The following SMARCC2 variants were observed in gnomAD, a reference collection of about 807,000 sequenced individuals.
SMARCC2 encodes the protein SWI/SNF complex subunit SMARCC2.
In SMARCC2, 15 loss-of-function variants were observed where a neutral mutation model predicts 151.3. That is an observed-to-expected ratio of 0.10 (90% CI 0.07 to 0.15). The LOEUF (loss-of-function observed/expected upper bound fraction) is 0.15, where lower values mean the gene tolerates loss of function less well. Among genes scored for constraint, SMARCC2 ranks in the 10% least tolerant of loss-of-function variants. SMARCC2 has a pLI of 1.00. For synonymous variants in SMARCC2, 590 were observed against 609.5 expected (o/e 0.97, Z 0.47); for missense variants, 1,031 against 1,599.7 (o/e 0.64, Z 6.06).
intron 15 of SMARCC2, 25 bp from the exon 16 acceptor site, chr12:56,174,789 A>G: frequency 6.9e-7 from 1 of 1,441,416 alleles, no homozygotes; most frequent in Non-Finnish European, 9.8e-7. Flanking sequence ...AGAGAGAAAC[A>G]AGAAGAAGAA....
intron 25 of SMARCC2, among the ~76,000 whole-genome samples, chr12:56,168,449 A>C (rs1000695631): frequency 6.7e-6 from 1 of 149,958 alleles, no homozygotes; most frequent in African/African-American, 2.5e-5. Context: ...ATCTCAGCTC[A>C]CTGTAACCTC....
chr12:56,168,106 C>T lies in SMARCC2; in HGVS notation c.2804G>A (p.Arg935Gln). 1.9e-6 allele frequency: 3 copies of T among 1,614,016 alleles called. No homozygotes were observed. Among genetic ancestry groups the T allele is most frequent in the African/African-American group, 1.3e-5 (1 of 74,976 alleles). ...GATAGTCTCCAGCTCCTCAAAGTGCCGAAGTTTGATCTCCAACTTTTTCAT... is the reference window on the plus strand; with the variant it reads ...GATAGTCTCCAGCTCCTCAAAGTGCTGAAGTTTGATCTCCAACTTTTTCAT... ...TQMKKLEIKLRHFEELETIMD... is the reference protein window; with the variant it reads ...TQMKKLEIKLQHFEELETIMD... The change falls in exon 26 of 29, where the codon CGG (arginine) becomes CAG (glutamine). Residue 935 changes from arginine to glutamine, a missense_variant. Coordinates refer to ENST00000550164, the MANE Select transcript of SMARCC2 (RefSeq NM_001330288.2).
rs562561762 is a variant in SMARCC2 at position 56,165,273 on chromosome 12, C to T, written c.3232+45G>A. On this transcript the variant is annotated intron_variant, in intron 27 of 28. Transcript: ENST00000550164. ...CCTTTGAGGAGAACTGGGACATTCA[C>T]CTGGATTCCTCTAGCCAACAAAAGT... 8.3e-5 allele frequency: 121 copies of T among 1,455,096 alleles called. 1 individual carries two copies. The South Asian group carries it at 1.7e-3, about 20-fold the overall frequency. The allele number at this position is 1,455,096 out of a possible 1,614,324, so 90.1% of individuals were successfully genotyped here.
intron 11 of SMARCC2, 24 bp downstream of exon 11, chr12:56,180,953 C>T: frequency 6.3e-7 from 1 of 1,596,828 alleles, no homozygotes; most frequent in South Asian, 1.1e-5. Context: ...GGGGTGGATC[C>T]CAGGAGCTCA....
intron 7 of SMARCC2, among the ~76,000 whole-genome samples, chr12:56,182,632 G>C (rs921725168): frequency 1.3e-5 from 2 of 150,868 alleles, no homozygotes; most frequent in African/African-American, 4.9e-5. Context: ...TGGGGTTTTT[G>C]TTTTTGTTAA....
At position 56,189,336 on chromosome 12, in the gene SMARCC2, G is replaced by A. The variant is rs1466420105; in HGVS notation, c.111+15C>T. On this transcript the variant is annotated intron_variant, in intron 1 of 28. Coordinates refer to ENST00000550164, the MANE Select transcript of SMARCC2 (RefSeq NM_001330288.2). ...CCGCCCCCGGTCCCCGCGCGGCCCGGCCCGGCCCGCGTACCTTCTTGTAGT... is the reference window on the plus strand; with the variant it reads ...CCGCCCCCGGTCCCCGCGCGGCCCGACCCGGCCCGCGTACCTTCTTGTAGT... The A allele has an allele frequency of 1.2e-5, 17 of 1,476,114 alleles. No homozygotes were observed. The highest frequency in any genetic ancestry group is 1.5e-5 in the Non-Finnish European group (16 of 1,094,794). 91.4% of individuals were successfully genotyped at this position (1,476,114 alleles called of 1,614,324 possible). A position where few individuals can be genotyped will look rare whatever the true frequency, so the allele number is the denominator to read the frequency against.
At chr12:56,179,222 C>T (rs932074312) in intron 11 of SMARCC2, among the ~76,000 whole-genome samples, 166 bp from the exon 12 acceptor site, 63 of 152,222 alleles carry the variant, frequency 4.1e-4, no homozygotes, top group Non-Finnish European at 8.7e-4. Context: ...CTTCTTGCTA[C>T]TTTCCCCACT....
Position 56,165,491 on chromosome 12 carries a change from G to A in SMARCC2, c.3059C>T (p.Ala1020Val), listed in dbSNP as rs529813959. ...AGGAGCAGGGACTACAGAGGCTGGAGCCACAGCCAAGCCATGGACTGCGGG... is the reference window on the plus strand; with the variant it reads ...AGGAGCAGGGACTACAGAGGCTGGAACCACAGCCAAGCCATGGACTGCGGG... Reference protein sequence around the residue: ...GPPAVHGLAVAPASVVPAPAG... With the variant: ...GPPAVHGLAVVPASVVPAPAG... The change falls in exon 27 of 29, where the codon GCT becomes GTT. Residue 1020 changes from alanine (A) to valine (V), a missense_variant. By Grantham distance (64) the Ala-to-Val change is moderately conservative (BLOSUM62 0). Around this residue, in one of 12 missense-constraint regions of SMARCC2, gnomAD observed 310 missense variants for 350.0 expected, o/e 0.89. Transcript: ENST00000550164. 24 of 1,578,164 alleles carry A rather than the reference G, an allele frequency of 1.5e-5. No individual in the cohort carries two copies. The highest frequency in any genetic ancestry group is 1.9e-4 in the Middle Eastern group (1 of 5,310).
intron 10 of SMARCC2, 173 bp downstream of exon 10, chr12:56,181,309 G>A: frequency 1.5e-6 from 1 of 649,120 alleles, no homozygotes; most frequent in Non-Finnish European, 2.6e-6. Flanking sequence ...GCCAGAACCA[G>A]AACTAACAAC....
intron 1 of SMARCC2, 106 bp from the exon 2 acceptor site, chr12:56,187,412 A>G: frequency 9.4e-7 from 1 of 1,069,294 alleles, no homozygotes; most frequent in Non-Finnish European, 1.4e-6. Context: ...AGCAAAGAAA[A>G]TAGTGCCCTT....
Position 56,182,054 on chromosome 12 carries a change from C to T in SMARCC2, c.658G>A (p.Glu220Lys). 6.2e-7 allele frequency: 1 copy of T among 1,613,314 alleles called. No homozygotes were observed. Residue 220 changes from glutamate to lysine, a missense_variant, in exon 8 of 29, where the codon GAA becomes AAA. Glu to Lys is a moderately conservative substitution (Grantham distance 56). Transcript: ENST00000550164. Reference sequence around the variant, plus strand: ...GCATCTTCCACAGATGCCTCAATTTCACTCGCTGGGATCCACGTGTCGTAA... The same window carrying T: ...GCATCTTCCACAGATGCCTCAATTTTACTCGCTGGGATCCACGTGTCGTAA... The part of the protein sequence containing the change: ...DSYDTWIPAS[E>K]IEASVEDAPT...
At chr12:56,189,290 CAGGG>C in intron 1 of SMARCC2, 57 bp downstream of exon 1, 1 of 1,084,636 alleles carries the variant, frequency 9.2e-7, no homozygotes, top group Non-Finnish European at 1.3e-6. Flanking sequence ...CCCGGGGCTG[CAGGG>C]CCGCGGTCCC....
chr12:56,185,994 G>A, intron 3 of SMARCC2, 161 bp downstream of exon 3: 1 of 628,020 alleles, frequency 1.6e-6, no homozygotes, highest in Non-Finnish European at 2.8e-6. Flanking sequence ...GACTGTTTTG[G>A]CTCTGACTCC....
rs750344310 is a variant in SMARCC2, at chr12:56,169,508, GTCT to G, written c.2715+18_2715+20del. Reference sequence around the variant, plus strand: ...AGAAGTGGACATTTTCTTCCCTGAGGTCTTCAAGGTCTGGCCTCACCTTAGCTT... The same window carrying G: ...AGAAGTGGACATTTTCTTCCCTGAGGTCAAGGTCTGGCCTCACCTTAGCTT... On this transcript the variant is annotated intron_variant, in intron 25 of 28. Coordinates refer to ENST00000550164, the MANE Select transcript of SMARCC2 (RefSeq NM_001330288.2). 3 of 1,611,840 alleles carry G rather than the reference GTCT, an allele frequency of 1.9e-6. No individual in the cohort carries two copies. Among genetic ancestry groups the G allele is most frequent in the Non-Finnish European group, 1.7e-6 (2 of 1,178,318 alleles).
Position 56,178,064 on chromosome 12 carries a change from G to C in SMARCC2, c.1340C>G (p.Pro447Arg). 6.2e-7 allele frequency: 1 copy of C among 1,613,696 alleles called. No homozygotes were observed. The highest frequency in any genetic ancestry group is 2.2e-5 in the East Asian group (1 of 44,870). Residue 447 changes from proline to arginine, a missense_variant, in exon 15 of 29, where the codon CCC becomes CGC. Physicochemically the swap from Pro to Arg is moderately radical, Grantham distance 103. This residue lies in a region of SMARCC2 where 51 missense variants were observed against 135.1 expected (regional missense o/e 0.38). Coordinates refer to ENST00000550164, the MANE Select transcript of SMARCC2 (RefSeq NM_001330288.2). ...CTTGTTCTTGCCGTTGAAGAACTCG[G>C]GGAGAGCCCTCCGCTCAATGGCATG... ...SVHAIERRAL[P>R]EFFNGKNKSK...
In SMARCC2 at chr12:56,183,922, C is replaced by G; in HGVS notation, c.571G>C (p.Val191Leu). 1 of 1,611,452 alleles carries G rather than the reference C, an allele frequency of 6.2e-7. No homozygotes were observed. The highest frequency in any genetic ancestry group is 8.5e-7 in the Non-Finnish European group (1 of 1,177,896). Reference sequence around the variant, plus strand: ...TTATCCCTCTTCATGACTGGTCGTACCCATTCCTCTGGGGATAGAGGAAGA... The same window carrying G: ...TTATCCCTCTTCATGACTGGTCGTAGCCATTCCTCTGGGGATAGAGGAAGA... ...VPGNLEEEEW[V>L]RPVMKRDKQV... Residue 191 changes from valine (V) to leucine (L), a missense_variant, in exon 7 of 29, where the codon GTA (valine) becomes CTA (leucine). Val to Leu is a conservative substitution (Grantham distance 32). Coordinates refer to ENST00000550164, the MANE Select transcript of SMARCC2 (RefSeq NM_001330288.2).
In SMARCC2 at chr12:56,172,673, A is replaced by C. The variant is rs1429118699; in HGVS notation, c.1775T>G (p.Phe592Cys). ...TGGTTTCTCTTTGCCTTTGTCAGGA[A>C]AGTTGAGCATTTGTTGGGAAGCAGA... ...QTSASQQMLNFPDKGKEKPTD... is the reference protein window; with the variant it reads ...QTSASQQMLNCPDKGKEKPTD... Residue 592 changes from phenylalanine to cysteine, a missense_variant, in exon 19 of 29, where the codon TTT becomes TGT. By Grantham distance (205) the Phe-to-Cys change is radical (BLOSUM62 -2). This residue lies in a region of SMARCC2 where 99 missense variants were observed against 148.3 expected (regional missense o/e 0.67). Coordinates refer to ENST00000550164, the MANE Select transcript of SMARCC2 (RefSeq NM_001330288.2). 6.2e-7 allele frequency: 1 copy of C among 1,614,160 alleles called. No individual in the cohort carries two copies.
At chr12:56,188,608 T>G (rs1292143208) in intron 1 of SMARCC2, among the ~76,000 whole-genome samples, 3 of 152,186 alleles carry the variant, frequency 2.0e-5, no homozygotes, top group Admixed American at 6.5e-5. Flanking sequence ...TTATGGGGTT[T>G]GGGTGTGAGG....
At chr12:56,176,137 G>A (rs1056469487) in intron 15 of SMARCC2, among the ~76,000 whole-genome samples, 18 of 150,430 alleles carry the variant, frequency 1.2e-4, no homozygotes, top group African/African-American at 4.0e-4. Context: ...AATTACAGGC[G>A]TGAGCCACCA....
Sources: allele counts gnomAD v4.1 joint callset (sites outside exome capture counted in the v4.1 genomes callset), GRCh38; gene constraint gnomAD v4.1.1; regional missense constraint gnomAD v4.1.1; transcripts MANE v1.5; gene names NCBI Gene and HGNC (gene_info 2026-07-23, HGNC 2026-07-21).